KIAA0319L: variants seen among roughly 807,000 people sequenced by gnomAD.
KIAA0319L encodes the protein KIAA0319 like.
In KIAA0319L, 55 loss-of-function variants were observed where a neutral mutation model predicts 120.1. The ratio of observed to expected loss-of-function variants is 0.46; its 90% CI spans 0.37 to 0.57. The LOEUF is 0.57. Ranked by LOEUF, KIAA0319L falls within the 20% of genes least tolerant of loss-of-function variation. The probability of loss-of-function intolerance (pLI) is 0.00; values close to 1 mark genes in which losing one functional copy is unlikely to be tolerated. For missense variants in KIAA0319L, 1,049 were observed against 1,255.3 expected (o/e 0.84, Z 2.48); for synonymous variants, 398 against 471.9 (o/e 0.84, Z 2.03).
At chr1:35,500,121 G>A (rs1326102559) in intron 3 of KIAA0319L, among the ~76,000 whole-genome samples, 13 of 152,208 alleles carry the variant, frequency 8.5e-5, no homozygotes, top group Non-Finnish European at 1.9e-4. Context: ...CTGTTAGAGA[G>A]AACAACACTT....
intron 12 of KIAA0319L, 71 bp from the exon 13 acceptor site, chr1:35,451,847 G>A: frequency 6.7e-7 from 1 of 1,497,470 alleles, no homozygotes; most frequent in Non-Finnish European, 9.1e-7. Flanking sequence ...TTAGCAGGAG[G>A]AGACAATGAC....
At chr1:35,510,682 G>A (rs1024052539) in intron 2 of KIAA0319L, 5 of 151,612 alleles carry the variant, frequency 3.3e-5, no homozygotes, top group African/African-American at 9.7e-5. Flanking sequence ...ATCATGACTC[G>A]ATGCAGCCTT....
intron 9 of KIAA0319L, among the ~76,000 whole-genome samples, chr1:35,458,491 AT>A (rs565809066): frequency 2.0e-5 from 3 of 151,988 alleles, no homozygotes; most frequent in African/African-American, 7.3e-5. Context: ...CATTTCATAG[AT>A]TTTTTTTAAA....
intron 7 of KIAA0319L, 98 bp downstream of exon 7, chr1:35,466,510 C>T (rs751253470): frequency 6.4e-6 from 5 of 777,052 alleles, no homozygotes. Context: ...AAATACATTA[C>T]AAAAAAAATG....
chr1:35,504,254 T>C (rs1645121781), intron 3 of KIAA0319L, among the ~76,000 whole-genome samples: 1 of 151,878 alleles, frequency 6.6e-6, no homozygotes, highest in Non-Finnish European at 1.5e-5. Context: ...TGGAGTGCAG[T>C]GGCGCAATCT....
At chr1:35,514,470 A>G (rs1645600748) in intron 2 of KIAA0319L, among the ~76,000 whole-genome samples, 1 of 152,026 alleles carries the variant, frequency 6.6e-6, no homozygotes, top group African/African-American at 2.4e-5. Flanking sequence ...CTGTCTTCTC[A>G]CTTCTCACTT....
intron 2 of KIAA0319L, among the ~76,000 whole-genome samples, chr1:35,531,031 C>G (rs1646346444): frequency 6.6e-6 from 1 of 152,182 alleles, no homozygotes; most frequent in Non-Finnish European, 1.5e-5. Flanking sequence ...GGAGGCAGGG[C>G]TGCTGTCTGT....
rs553909895 is a variant in KIAA0319L at position 35,457,958 on chromosome 1, C to CA, written c.1428-1718_1428-1717insT. On this transcript the variant is annotated intron_variant, in intron 9 of 20. Transcript: ENST00000325722. ...TTTTTGTTTTGTTTTTTTTCTGAGA[C>CA]GGAGTCTCGCTCTGTCGCCCAGGCT... Among the ~76,000 whole-genome samples the CA allele has an allele frequency of 6.5e-3, 982 of 152,176 alleles. 15 individuals carry two copies. The highest frequency in any genetic ancestry group is 0.021 in the African/African-American group (869 of 41,494).
rs907428814 is a variant in KIAA0319L at position 35,444,256 on chromosome 1, A to G, written c.2561T>C (p.Phe854Ser). Residue 854 changes from phenylalanine to serine, a missense_variant, in exon 17 of 21, where the codon TTC becomes TCC. Physicochemically the swap from Phe to Ser is radical, Grantham distance 155 (BLOSUM62 -2). Coordinates refer to ENST00000325722, the MANE Select transcript of KIAA0319L (RefSeq NM_024874.5). ...FVQNEPPHQI[F>S]KGHEVAAMLK... ...CATCGCTGCCACCTCATGGCCTTTGAAGATCTGGTGGGGAGGCTCGTTTTG... is the reference window on the plus strand; with the variant it reads ...CATCGCTGCCACCTCATGGCCTTTGGAGATCTGGTGGGGAGGCTCGTTTTG... 3 of 1,608,980 alleles carry G rather than the reference A, an allele frequency of 1.9e-6. No individual in the cohort carries two copies. The African/African-American group carries it at 4.0e-5, about 22-fold the overall frequency.
At chr1:35,521,258 G>C (rs1267670159) in intron 2 of KIAA0319L, among the ~76,000 whole-genome samples, 1 of 152,146 alleles carries the variant, frequency 6.6e-6, no homozygotes, top group African/African-American at 2.4e-5. Flanking sequence ...AGAATCACTT[G>C]AACCCAGAAG....
intron 2 of KIAA0319L, among the ~76,000 whole-genome samples, chr1:35,515,968 C>G (rs1195394464): frequency 6.6e-6 from 1 of 152,104 alleles, no homozygotes; most frequent in Admixed American, 6.6e-5. Context: ...GGATAAATTC[C>G]TGGACACATA....
intron 12 of KIAA0319L, among the ~76,000 whole-genome samples, chr1:35,452,422 C>T (rs997458331): frequency 6.6e-6 from 1 of 152,230 alleles, no homozygotes; most frequent in Non-Finnish European, 1.5e-5. Context: ...AGGCTGCACA[C>T]AGCCAGAGAG....
In KIAA0319L at chr1:35,557,336, T is replaced by A. The variant is rs776939854; in HGVS notation, c.-158A>T. On this transcript the variant is annotated 5_prime_UTR_variant, in exon 1 of 21. Transcript: ENST00000325722. ...AGGAGGAGGAAGAGGAAGAAGGTAG[T>A]GCGGGCTCCCCACCCGGACAGCTAC... The A allele has an allele frequency of 1.1e-4, 29 of 270,390 alleles. No homozygotes were observed. Among genetic ancestry groups the A allele is most frequent in the Middle Eastern group, 1.4e-3 (1 of 698 alleles). The allele number at this position is 270,390 out of a possible 1,614,324, so 16.7% of individuals were successfully genotyped here.
chr1:35,497,135 G>A (rs1331434833), intron 3 of KIAA0319L, among the ~76,000 whole-genome samples: 1 of 151,856 alleles, frequency 6.6e-6, no homozygotes, highest in Admixed American at 6.6e-5. Context: ...AGGACTGGGG[G>A]TGGGAATAGG....
At chr1:35,459,352 A>G (rs937177094) in intron 9 of KIAA0319L, among the ~76,000 whole-genome samples, 1 of 152,164 alleles carries the variant, frequency 6.6e-6, no homozygotes. Context: ...CACACCTGTA[A>G]TCCCAGAACT....
At chr1:35,492,133 T>A (rs2148355469) in intron 3 of KIAA0319L, among the ~76,000 whole-genome samples, 1 of 152,314 alleles carries the variant, frequency 6.6e-6, no homozygotes, top group Non-Finnish European at 1.5e-5. Context: ...GAAAAACTCC[T>A]CAACTCATTC....
intron 2 of KIAA0319L, among the ~76,000 whole-genome samples, chr1:35,522,609 G>A (rs1347462709): frequency 6.6e-6 from 1 of 151,970 alleles, no homozygotes; most frequent in East Asian, 1.9e-4. Context: ...TTTGTACAAT[G>A]TACCCGTATT....
intron 3 of KIAA0319L, among the ~76,000 whole-genome samples, chr1:35,500,539 T>G (rs1363298003): frequency 3.3e-5 from 5 of 151,988 alleles, no homozygotes; most frequent in African/African-American, 1.2e-4. Flanking sequence ...TCCAAAAGAG[T>G]GAAAAATGCA....
At chr1:35,480,399 A>G (rs1644113524) in intron 3 of KIAA0319L, among the ~76,000 whole-genome samples, 1 of 152,250 alleles carries the variant, frequency 6.6e-6, no homozygotes, top group Non-Finnish European at 1.5e-5. Flanking sequence ...AAGTAAGGCA[A>G]TAGCAGGAAT....
Sources: allele counts gnomAD v4.1 joint callset (sites outside exome capture counted in the v4.1 genomes callset), GRCh38; gene constraint gnomAD v4.1.1; transcripts MANE v1.5; gene names NCBI Gene and HGNC (gene_info 2026-07-23, HGNC 2026-07-21).